TGFB1: variants seen among roughly 807,000 people sequenced by gnomAD.
The protein encoded by TGFB1 is transforming growth factor beta 1, also known as transforming growth factor beta-1 proprotein.
Under a neutral mutation model 43.8 loss-of-function variants are expected in TGFB1, and 19 were observed. That is an observed-to-expected ratio of 0.43 (90% CI 0.30 to 0.64). The LOEUF is 0.64. Among genes scored for constraint, TGFB1 ranks in the 30% least tolerant of loss-of-function variants. TGFB1 has a pLI of 0.11. For missense variants in TGFB1, 445 were observed against 529.8 expected (o/e 0.84, Z 1.57); for synonymous variants, 221 against 236.3 (o/e 0.94, Z 0.60).
intron 5 of TGFB1, 104 bp from the exon 6 acceptor site, chr19:41,332,385 G>A: frequency 7.3e-7 from 1 of 1,372,590 alleles, no homozygotes; most frequent in South Asian, 1.3e-5. Context: ...TGCCCCCCCA[G>A]CCCTATCTCC....
intron 6 of TGFB1, among the ~76,000 whole-genome samples, chr19:41,331,697 A>AGCCGCC (rs1267550123): frequency 6.8e-6 from 1 of 147,062 alleles, no homozygotes; most frequent in Non-Finnish European, 1.5e-5. Context: ...TACCATCGTG[A>AGCCGCC]GCCGCCGCGC....
At chr19:41,332,350 C>G in intron 5 of TGFB1, 69 bp from the exon 6 acceptor site, 2 of 1,551,948 alleles carry the variant, frequency 1.3e-6, no homozygotes, top group Non-Finnish European at 1.7e-6. Flanking sequence ...GCCCCTCCTC[C>G]CCAGGTGCGT....
rs1433685933 is a variant in TGFB1, at chr19:41,331,017, G to A, written c.*35C>T. The A allele has an allele frequency of 2.0e-6, 3 of 1,494,016 alleles. No individual in the cohort carries two copies. The highest frequency in any genetic ancestry group is 2.5e-5 in the South Asian group (2 of 80,756). 92.5% of individuals were successfully genotyped at this position (1,494,016 alleles called of 1,614,324 possible). ...AGCGGGGGCGGGGCGGGGTGGGGCC[G>A]GGCCTGCCGGGGCGGGGCGGGGCGG... On this transcript the variant is annotated 3_prime_UTR_variant, in exon 7 of 7. Coordinates refer to ENST00000221930, the MANE Select transcript of TGFB1 (RefSeq NM_000660.7).
Position 41,352,954 on chromosome 19 carries a change from A to C in TGFB1, c.91T>G (p.Ser31Ala), listed in dbSNP as rs61761349. Reference protein sequence around the residue: ...LTPGRPAAGLSTCKTIDMELV... With the variant: ...LTPGRPAAGLATCKTIDMELV... ...TCCATGTCGATAGTCTTGCAGGTGG[A>C]TAGTCCCGCGGCCGGCCGGCCAGGC... The change falls in exon 1 of 7, where the codon TCC becomes GCC. Residue 31 changes from serine (S) to alanine (A), a missense_variant. Ser to Ala is a moderately conservative substitution (Grantham distance 99). Around this residue, in one of 3 missense-constraint regions of TGFB1, gnomAD observed 366 missense variants for 428.8 expected, o/e 0.85. Transcript: ENST00000221930. 4 of 1,550,390 alleles carry C rather than the reference A, an allele frequency of 2.6e-6. No homozygotes were observed. The highest frequency in any genetic ancestry group is 3.5e-6 in the Non-Finnish European group (4 of 1,150,420).
At chr19:41,342,394 T>C (rs1363186706) in intron 3 of TGFB1, 147 bp from the exon 4 acceptor site, 16 of 244,464 alleles carry the variant, frequency 6.5e-5, no homozygotes, top group East Asian at 2.4e-4. Context: ...CTCTCTCTTT[T>C]TTTTTTTTTT....
In TGFB1 at chr19:41,330,967, T is replaced by G; in HGVS notation, c.*85A>C. ...GGTGGGCTTGGGGCACGGGTGTCCT[T>G]AAATACAGCCCCCATGGGCAAGGCA... On this transcript the variant is annotated 3_prime_UTR_variant, in exon 7 of 7. Coordinates refer to ENST00000221930, the MANE Select transcript of TGFB1 (RefSeq NM_000660.7). The G allele has an allele frequency of 8.0e-7, 1 of 1,250,352 alleles. No individual in the cohort carries two copies. Among genetic ancestry groups the G allele is most frequent in the Non-Finnish European group, 1.0e-6 (1 of 973,094 alleles). The allele number at this position is 1,250,352 out of a possible 1,614,324, so 77.5% of individuals were successfully genotyped here. A position where few individuals can be genotyped will look rare whatever the true frequency, so the allele number is the denominator to read the frequency against.
At chr19:41,331,343 T>TC in intron 6 of TGFB1, 133 bp from the exon 7 acceptor site, 2 of 1,059,342 alleles carry the variant, frequency 1.9e-6, no homozygotes, top group South Asian at 3.4e-5. Flanking sequence ...TCTTCCCATC[T>TC]CCAATTCGGT....
intron 2 of TGFB1, among the ~76,000 whole-genome samples, chr19:41,345,630 G>A (rs1362385609): frequency 6.7e-6 from 1 of 149,832 alleles, no homozygotes; most frequent in Non-Finnish European, 1.5e-5. Context: ...GGCTGGGCAC[G>A]GTGGCTCACG....
At chr19:41,339,823 C>CA (rs2038034119) in intron 5 of TGFB1, among the ~76,000 whole-genome samples, 1 of 152,040 alleles carries the variant, frequency 6.6e-6, no homozygotes, top group African/African-American at 2.4e-5. Context: ...GACTCTGTCT[C>CA]AAAAAAGACC....
intron 5 of TGFB1, among the ~76,000 whole-genome samples, chr19:41,339,520 T>C (rs2038028386): frequency 6.6e-6 from 1 of 151,324 alleles, no homozygotes; most frequent in Non-Finnish European, 1.5e-5. Context: ...CAGGAGCTGT[T>C]GGCACTCAAG....
Position 41,331,075 on chromosome 19 carries a change from C to A in TGFB1, c.1150G>T (p.Val384Leu), listed in dbSNP as rs747563417. The stretch of plus-strand genomic sequence containing the variant: ...CCTCAGCTGCACTTGCAGGAGCGCA[C>A]GATCATGTTGGACAGCTGCTCCACC... ...PKVEQLSNMIVRSCKCS is the reference protein window; with the variant it reads ...PKVEQLSNMILRSCKCS The change falls in exon 7 of 7, where the codon GTG (valine) becomes TTG (leucine). Residue 384 changes from valine to leucine, a missense_variant. This residue lies in a region of TGFB1 where 56 missense variants were observed against 46.9 expected (regional missense o/e 1.19). Coordinates refer to ENST00000221930, the MANE Select transcript of TGFB1 (RefSeq NM_000660.7). 6.3e-7 allele frequency: 1 copy of A among 1,580,274 alleles called. No individual in the cohort carries two copies. The highest frequency in any genetic ancestry group is 1.1e-5 in the South Asian group (1 of 87,206).
chr19:41,333,413 C>T (rs2123082845), intron 5 of TGFB1, among the ~76,000 whole-genome samples: 1 of 152,100 alleles, frequency 6.6e-6, no homozygotes, highest in Admixed American at 6.5e-5. Flanking sequence ...CAGGGTTTCA[C>T]CATGTTGGCC....
chr19:41,338,851 T>G (rs1258319812), intron 5 of TGFB1, among the ~76,000 whole-genome samples: 14 of 151,148 alleles, frequency 9.3e-5, no homozygotes, highest in Admixed American at 9.2e-4. Flanking sequence ...AAAAAAAAAG[T>G]ATTAATCAAC....
rs1262398785 is a variant in TGFB1 at position 41,353,916 on chromosome 19, C to A, written c.-872G>T. The A allele has an allele frequency of 2.1e-5, 5 of 236,846 alleles. No individual in the cohort carries two copies. Among genetic ancestry groups the A allele is most frequent in the Non-Finnish European group, 3.2e-5 (4 of 123,100 alleles). The allele number at this position is 236,846 out of a possible 1,614,324, so 14.7% of individuals were successfully genotyped here. ...AGATGGCCCAGGGCGCGAAGGGCGG[C>A]GGCGGCGGGGACCGGCTGGGTCGGC... is the stretch of plus-strand genomic sequence containing the variant. On this transcript the variant is annotated 5_prime_UTR_variant, in exon 1 of 7. Coordinates refer to ENST00000221930, the MANE Select transcript of TGFB1 (RefSeq NM_000660.7). This position sits in a 1 kb window ranked among gnomAD's most constrained non-coding sequence, Gnocchi z 5.9.
At chr19:41,334,063 G>A (rs1241265815) in intron 5 of TGFB1, among the ~76,000 whole-genome samples, 1 of 152,112 alleles carries the variant, frequency 6.6e-6, no homozygotes, top group Non-Finnish European at 1.5e-5. Context: ...CCTTCTTCTG[G>A]TTTATTTTAC....
rs2037939329 is a variant in TGFB1, at chr19:41,332,136, A to G, written c.1006T>C (p.Tyr336His). 6 of 1,613,666 alleles carry G rather than the reference A, an allele frequency of 3.7e-6. No homozygotes were observed. Among genetic ancestry groups the G allele is most frequent in the Non-Finnish European group, 5.1e-6 (6 of 1,179,736 alleles). The change falls in exon 6 of 7, where the codon TAC becomes CAC. Residue 336 changes from tyrosine (Y) to histidine (H), a missense_variant. Tyr to His is a moderately conservative substitution (Grantham distance 83). Around this residue, in one of 3 missense-constraint regions of TGFB1, gnomAD observed 23 missense variants for 54.1 expected, o/e 0.42. Coordinates refer to ENST00000221930, the MANE Select transcript of TGFB1 (RefSeq NM_000660.7). ...CGGTGGGCCAGACGTACCTTGCTGTACTGCGTGTCCAGGCTCCAAATGTAG... is the reference window on the plus strand; with the variant it reads ...CGGTGGGCCAGACGTACCTTGCTGTGCTGCGTGTCCAGGCTCCAAATGTAG... ...CPYIWSLDTQ[Y>H]SKVLALYNQH...
rs770264069 is a variant in TGFB1, at chr19:41,341,466, C to CAAAA, written c.860+413_860+416dup. Among the ~76,000 whole-genome samples the CAAAA allele has an allele frequency of 4.8e-3, 170 of 35,580 alleles. 26 individuals are homozygous for CAAAA. The highest frequency in any genetic ancestry group is 0.02 in the African/African-American group (161 of 8,008). The allele number at this position is 35,580 out of a possible 152,430, so 23.3% of individuals were successfully genotyped here. Reference sequence around the variant, plus strand: ...CAGGTGACAGAGCGAGACTCTGTCTCAAAAAAAAAAAAAAAAAAAAAAAAA... The same window carrying CAAAA: ...CAGGTGACAGAGCGAGACTCTGTCTCAAAAAAAAAAAAAAAAAAAAAAAAAAAAA... On this transcript the variant is annotated intron_variant, in intron 5 of 6. Transcript: ENST00000221930.
intron 5 of TGFB1, among the ~76,000 whole-genome samples, chr19:41,334,857 A>T (rs1320164079): frequency 6.6e-6 from 1 of 151,078 alleles, no homozygotes; most frequent in East Asian, 1.9e-4. Context: ...GTTCAGAGGT[A>T]GGAGCTACTA....
intron 5 of TGFB1, among the ~76,000 whole-genome samples, chr19:41,340,853 A>C (rs1032090654): frequency 2.0e-5 from 3 of 152,286 alleles, no homozygotes; most frequent in African/African-American, 7.2e-5. Flanking sequence ...CCAATGTTTC[A>C]GCTTTCCTTG....
Sources: allele counts gnomAD v4.1 joint callset (sites outside exome capture counted in the v4.1 genomes callset), GRCh38; gene constraint gnomAD v4.1.1; regional missense constraint gnomAD v4.1.1; non-coding constraint Gnocchi (gnomAD v3.1); transcripts MANE v1.5; gene names NCBI Gene and HGNC (gene_info 2026-07-23, HGNC 2026-07-21).